SNTG2: variants seen among roughly 807,000 people sequenced by gnomAD.
The protein encoded by SNTG2 is gamma-2-syntrophin.
Under a neutral mutation model 70.9 loss-of-function variants are expected in SNTG2, and 74 were observed. That is an observed-to-expected ratio of 1.04 (90% CI 0.86 to 1.27). The LOEUF (loss-of-function observed/expected upper bound fraction) is 1.27. SNTG2 is among the 50% of genes most tolerant of loss of function. The pLI is 0.00. For missense variants in SNTG2, 717 were observed against 690.7 expected (o/e 1.04, Z -0.43); for synonymous variants, 278 against 273.8 (o/e 1.02, Z -0.15).
chr2:1,120,357 C>A (rs756675531), intron 4 of SNTG2, among the ~76,000 whole-genome samples: 2 of 151,810 alleles, frequency 1.3e-5, no homozygotes, highest in Non-Finnish European at 2.9e-5. Flanking sequence ...TGAATATTAC[C>A]AACAACAAGA....
chr2:986,447 T>C (rs1661327601), intron 1 of SNTG2, among the ~76,000 whole-genome samples: 1 of 152,232 alleles, frequency 6.6e-6, no homozygotes, highest in South Asian at 2.1e-4. Context: ...AATGCTGATT[T>C]ACCTAAATAG....
intron 1 of SNTG2, among the ~76,000 whole-genome samples, chr2:1,080,230 T>C (rs1371225758): frequency 6.7e-6 from 1 of 149,436 alleles, no homozygotes; most frequent in Non-Finnish European, 1.5e-5. Context: ...GAGCTCCTAT[T>C]GCTAGGGAGA....
intron 1 of SNTG2, among the ~76,000 whole-genome samples, chr2:989,987 GCT>G (rs774821696): frequency 7.4e-4 from 113 of 152,338 alleles, no homozygotes; most frequent in Admixed American, 2.0e-3. Context: ...TCACGGCTCC[GCT>G]CTGTGTCCTG....
chr2:1,164,070 G>A (rs559984092), intron 6 of SNTG2, among the ~76,000 whole-genome samples: 2 of 152,348 alleles, frequency 1.3e-5, no homozygotes, highest in African/African-American at 4.8e-5. Context: ...AAAGATCAGA[G>A]GGAGCGATGA....
chr2:1,238,632 T>G (rs535409123), intron 10 of SNTG2, among the ~76,000 whole-genome samples: 1 of 152,242 alleles, frequency 6.6e-6, no homozygotes, highest in Non-Finnish European at 1.5e-5. Flanking sequence ...GAGTGATGGG[T>G]GCCTGGACTC....
At chr2:1,316,825 T>G (rs35230617) in intron 16 of SNTG2, among the ~76,000 whole-genome samples, 3,494 of 89,788 alleles carry the variant, frequency 0.039, 856 homozygotes, top group African/African-American at 0.13. Context: ...CTGGAGCATT[T>G]AGCATGAGGC....
At position 1,328,822 on chromosome 2, in the gene SNTG2, C is replaced by T. The variant is rs139226116; in HGVS notation, c.1488+12447C>T. ...ACACACACACATACACACACATGCACGCACATATACACACATACACATACA... is the reference window on the plus strand; with the variant it reads ...ACACACACACATACACACACATGCATGCACATATACACACATACACATACA... On this transcript the variant is annotated intron_variant, in intron 16 of 16. Transcript: ENST00000308624. 3.4e-3 allele frequency among the ~76,000 whole-genome samples: 524 copies of T among 152,034 alleles called. 5 individuals carry two copies. The highest frequency in any genetic ancestry group is 0.011 in the African/African-American group (473 of 41,444).
intron 8 of SNTG2, among the ~76,000 whole-genome samples, chr2:1,203,416 G>T (rs1467783733): frequency 6.6e-6 from 1 of 151,820 alleles, no homozygotes; most frequent in Non-Finnish European, 1.5e-5. Flanking sequence ...CCAGCACTTT[G>T]GGAGGCAGAG....
intron 14 of SNTG2, among the ~76,000 whole-genome samples, chr2:1,295,752 A>G (rs1680179814): frequency 6.6e-6 from 1 of 150,380 alleles, no homozygotes; most frequent in Non-Finnish European, 1.5e-5. Context: ...GATGGCTTCC[A>G]CTGTAGAAGG....
chr2:1,254,439 TA>T (rs1418958418), intron 12 of SNTG2, among the ~76,000 whole-genome samples: 1 of 152,236 alleles, frequency 6.6e-6, no homozygotes, highest in Non-Finnish European at 1.5e-5. Context: ...AAATAAGTTA[TA>T]AAGTCAATTT....
intron 16 of SNTG2, among the ~76,000 whole-genome samples, chr2:1,320,930 CCT>C (rs1405231883): frequency 6.6e-6 from 1 of 152,170 alleles, no homozygotes; most frequent in Non-Finnish European, 1.5e-5. Flanking sequence ...TCCATTTTTG[CCT>C]CTAGGCTGAG....
intron 16 of SNTG2, among the ~76,000 whole-genome samples, chr2:1,355,245 T>C (rs12479101): frequency 0.43 from 64,710 of 152,074 alleles, 13,904 homozygotes; most frequent in Middle Eastern, 0.49. Context: ...AGTATTTAGG[T>C]GAAGAGTTCA....
intron 14 of SNTG2, among the ~76,000 whole-genome samples, chr2:1,288,511 C>T (rs1476476997): frequency 1.3e-5 from 2 of 152,122 alleles, no homozygotes; most frequent in Non-Finnish European, 2.9e-5. Flanking sequence ...CACACAGAGG[C>T]ATATACATGG....
In SNTG2 at chr2:1,316,695, G is replaced by A. The variant is rs572763543; in HGVS notation, c.1488+320G>A. Reference sequence around the variant, plus strand: ...ATGTTCCAATGAACATTTCCTTTGAGCATCAGGCCAGCATTCGAGAAGGTT... The same window carrying A: ...ATGTTCCAATGAACATTTCCTTTGAACATCAGGCCAGCATTCGAGAAGGTT... On this transcript the variant is annotated intron_variant, in intron 16 of 16. Transcript: ENST00000308624. 1.7e-4 allele frequency among the ~76,000 whole-genome samples: 18 copies of A among 104,650 alleles called. 3 individuals carry two copies. Among genetic ancestry groups the A allele is most frequent in the African/African-American group, 5.3e-4 (16 of 30,182 alleles). The allele number at this position is 104,650 out of a possible 152,430, so 68.7% of individuals were successfully genotyped here. A position where few individuals can be genotyped will look rare whatever the true frequency, so the allele number is the denominator to read the frequency against.
At chr2:1,051,264 G>A (rs532588496) in intron 1 of SNTG2, among the ~76,000 whole-genome samples, 6 of 149,236 alleles carry the variant, frequency 4.0e-5, no homozygotes, top group South Asian at 4.2e-4. Context: ...GTACCATGCC[G>A]TATTGAAGTG....
intron 14 of SNTG2, among the ~76,000 whole-genome samples, chr2:1,287,335 G>T (rs192474227): frequency 6.6e-6 from 1 of 152,198 alleles, no homozygotes; most frequent in East Asian, 1.9e-4. Flanking sequence ...TGGATGCAGC[G>T]GGTGCTCCTT....
chr2:1,139,082 G>A (rs1558445807), intron 6 of SNTG2, among the ~76,000 whole-genome samples: 1 of 152,170 alleles, frequency 6.6e-6, no homozygotes. Flanking sequence ...AAAAAGTCTC[G>A]AGTAGATGAA....
chr2:1,338,221 T>TA (rs914256868), intron 16 of SNTG2, among the ~76,000 whole-genome samples: 4 of 152,278 alleles, frequency 2.6e-5, no homozygotes, highest in African/African-American at 4.8e-5. Flanking sequence ...TTTTTCTATT[T>TA]AAAAAAATGT....
At chr2:1,088,565 G>T (rs1274066405) in intron 2 of SNTG2, among the ~76,000 whole-genome samples, 8 of 152,338 alleles carry the variant, frequency 5.3e-5, no homozygotes, top group Non-Finnish European at 8.8e-5. Context: ...AGAAGAATTG[G>T]CTACTGTTCC....
Sources: allele counts gnomAD v4.1 joint callset (sites outside exome capture counted in the v4.1 genomes callset), GRCh38; gene constraint gnomAD v4.1.1; transcripts MANE v1.5; gene names NCBI Gene and HGNC (gene_info 2026-07-23, HGNC 2026-07-21).